The following RAP1GDS1 variants were observed in gnomAD, a reference collection of about 807,000 sequenced individuals.
RAP1GDS1 encodes RAP1, GTP-GDP dissociation stimulator 1.
RAP1GDS1 carries 35 observed loss-of-function variants against 71.1 expected under a neutral mutation model. The ratio of observed to expected loss-of-function variants is 0.49; its 90% CI spans 0.38 to 0.65. The LOEUF (loss-of-function observed/expected upper bound fraction) is 0.65, where lower values mean the gene tolerates loss of function less well. Among genes scored for constraint, RAP1GDS1 ranks in the 30% least tolerant of loss-of-function variants. The pLI is 0.00. For missense variants in RAP1GDS1, 663 were observed against 706.1 expected (o/e 0.94, Z 0.69); for synonymous variants, 229 against 243.1 (o/e 0.94, Z 0.54).
chr4:98,307,680 G>A (rs1729529493), intron 2 of RAP1GDS1, among the ~76,000 whole-genome samples: 1 of 152,200 alleles, frequency 6.6e-6, no homozygotes, highest in East Asian at 1.9e-4. Context: ...TATTGTTAGA[G>A]ATTATTGTGA....
intron 4 of RAP1GDS1, among the ~76,000 whole-genome samples, chr4:98,357,070 AAAGT>A (rs1738078669): frequency 6.6e-6 from 1 of 152,000 alleles, no homozygotes; most frequent in Admixed American, 6.6e-5. Context: ...GTTGGTCAGA[AAAGT>A]ATATATTAAT....
At chr4:98,305,276 A>G (rs1333893538) in intron 2 of RAP1GDS1, among the ~76,000 whole-genome samples, 1 of 152,136 alleles carries the variant, frequency 6.6e-6, no homozygotes, top group African/African-American at 2.4e-5. Flanking sequence ...GGCCGTTTTC[A>G]TGCTAATTGA....
At chr4:98,270,916 C>G (rs1200625888) in intron 1 of RAP1GDS1, among the ~76,000 whole-genome samples, 1 of 152,068 alleles carries the variant, frequency 6.6e-6, no homozygotes, top group Non-Finnish European at 1.5e-5. Context: ...AATACATTTT[C>G]TCTTCCTTCC....
intron 2 of RAP1GDS1, among the ~76,000 whole-genome samples, chr4:98,321,537 C>T (rs1252828317): frequency 6.7e-6 from 1 of 148,762 alleles, no homozygotes; most frequent in Non-Finnish European, 1.5e-5. Context: ...TCGGGTTACC[C>T]TCAAAGGGAA....
chr4:98,386,914 A>T (rs905950545), intron 5 of RAP1GDS1, among the ~76,000 whole-genome samples: 1 of 152,098 alleles, frequency 6.6e-6, no homozygotes, highest in African/African-American at 2.4e-5. Context: ...TTTAATTTTC[A>T]TATCCTTTTT....
intron 4 of RAP1GDS1, among the ~76,000 whole-genome samples, chr4:98,371,109 T>C (rs1332047049): frequency 6.6e-6 from 1 of 151,824 alleles, no homozygotes; most frequent in Non-Finnish European, 1.5e-5. Flanking sequence ...TTTAGGATTG[T>C]TATATCTTTT....
At chr4:98,339,980 G>A (rs540253728) in intron 2 of RAP1GDS1, among the ~76,000 whole-genome samples, 1 of 150,732 alleles carries the variant, frequency 6.6e-6, no homozygotes, top group South Asian at 2.1e-4. Flanking sequence ...CAAAGGAATA[G>A]AAATCATTCT....
In RAP1GDS1 at chr4:98,433,917, C is replaced by G. The variant is rs547758099; in HGVS notation, c.1441-19C>G. On this transcript the variant is annotated intron_variant, in intron 12 of 14. Coordinates refer to ENST00000408927, the MANE Select transcript of RAP1GDS1 (RefSeq NM_001100427.2). ...GTTTAAAATTAAAGTCTATAATTCT[C>G]TGATATTATTTATTGTAGGATGTAA... 2.6e-5 allele frequency: 41 copies of G among 1,588,424 alleles called. No homozygotes were observed. In the South Asian group the frequency reaches 4.1e-4, roughly 16 times the overall value.
intron 4 of RAP1GDS1, among the ~76,000 whole-genome samples, chr4:98,367,898 CT>C (rs1428446539): frequency 3.9e-5 from 6 of 152,074 alleles, no homozygotes; most frequent in African/African-American, 1.4e-4. Context: ...TCACATGAGA[CT>C]TTGGACTGTG....
chr4:98,315,082 T>C (rs1380223419), intron 2 of RAP1GDS1, among the ~76,000 whole-genome samples: 1 of 152,218 alleles, frequency 6.6e-6, no homozygotes, highest in Non-Finnish European at 1.5e-5. Flanking sequence ...AATGTATTTT[T>C]CTTTTTGGCT....
chr4:98,279,939 C>A (rs992357182), intron 1 of RAP1GDS1, among the ~76,000 whole-genome samples: 1 of 152,186 alleles, frequency 6.6e-6, no homozygotes, highest in African/African-American at 2.4e-5. Flanking sequence ...GGCATGAACT[C>A]ATCCTCTTTT....
chr4:98,266,419 A>G (rs141434256), intron 1 of RAP1GDS1, among the ~76,000 whole-genome samples: 19 of 152,252 alleles, frequency 1.2e-4, no homozygotes, highest in Admixed American at 5.9e-4. Flanking sequence ...GATTATAGGT[A>G]TGCTTCTAAT....
intron 4 of RAP1GDS1, among the ~76,000 whole-genome samples, chr4:98,361,442 C>T (rs1376424206): frequency 5.3e-5 from 8 of 151,884 alleles, no homozygotes; most frequent in Non-Finnish European, 8.8e-5. Context: ...TAAAGATATT[C>T]AGTCTTTTGC....
At chr4:98,405,927 A>G (rs892973379) in intron 7 of RAP1GDS1, among the ~76,000 whole-genome samples, 5 of 152,102 alleles carry the variant, frequency 3.3e-5, no homozygotes, top group Admixed American at 1.3e-4. Flanking sequence ...GATTTAAAAT[A>G]TACCACAAAC....
At chr4:98,393,137 A>T (rs532525523) in intron 6 of RAP1GDS1, among the ~76,000 whole-genome samples, 1 of 152,342 alleles carries the variant, frequency 6.6e-6, no homozygotes, top group South Asian at 2.1e-4. Flanking sequence ...ACAAACAAAT[A>T]TATCAATTCT....
At chr4:98,336,475 A>G (rs949317950) in intron 2 of RAP1GDS1, among the ~76,000 whole-genome samples, 2 of 152,198 alleles carry the variant, frequency 1.3e-5, no homozygotes, top group Non-Finnish European at 2.9e-5. Context: ...AATGAGTACA[A>G]GACTATCAAA....
chr4:98,403,000 A>G (rs1745651950), intron 6 of RAP1GDS1, among the ~76,000 whole-genome samples: 1 of 152,238 alleles, frequency 6.6e-6, no homozygotes, highest in Non-Finnish European at 1.5e-5. Flanking sequence ...AATTTAAATT[A>G]GAAGCATCAA....
chr4:98,394,043 T>A (rs970845334), intron 6 of RAP1GDS1, among the ~76,000 whole-genome samples: 5 of 152,066 alleles, frequency 3.3e-5, no homozygotes, highest in African/African-American at 1.2e-4. Flanking sequence ...TTTAGGAGAG[T>A]ACATAGAAGA....
rs1389434468 is a variant in RAP1GDS1, at chr4:98,317,842, T to TC, written c.112+24327_112+24328insC. Among the ~76,000 whole-genome samples the TC allele has an allele frequency of 1.1e-3, 157 of 146,454 alleles. No homozygotes were observed. In the South Asian group the frequency reaches 0.016, roughly 15 times the overall value. On this transcript the variant is annotated intron_variant, in intron 2 of 14. Coordinates refer to ENST00000408927, the MANE Select transcript of RAP1GDS1 (RefSeq NM_001100427.2). ...TATATATATATTTTTTTTTCTTTTC[T>TC]TCTCTTTTTTTTTTTTTGAGACAGA...
Sources: allele counts gnomAD v4.1 joint callset (sites outside exome capture counted in the v4.1 genomes callset), GRCh38; gene constraint gnomAD v4.1.1; transcripts MANE v1.5; gene names NCBI Gene and HGNC (gene_info 2026-07-23, HGNC 2026-07-21).